FBXO22: variants seen among roughly 807,000 people sequenced by gnomAD.
FBXO22 encodes F-box only protein 22.
Under a neutral mutation model 37.2 loss-of-function variants are expected in FBXO22, and 13 were observed. The observed-to-expected ratio is 0.35, with a 90% confidence interval of 0.23 to 0.56. The LOEUF is 0.56. FBXO22 is among the 20% of genes least tolerant of loss of function. FBXO22 has a pLI of 0.87. For synonymous variants in FBXO22, 189 were observed against 189.1 expected, an observed-to-expected ratio of 1.00 and a Z score of 0.00; for missense variants, 446 against 509.9, an observed-to-expected ratio of 0.87 and a Z score of 1.21.
rs2030622741 is a variant in FBXO22 at position 75,938,675 on chromosome 15, G to T, written c.*5573G>T. 6.6e-6 allele frequency: 1 copy of T among 152,140 alleles called. No individual in the cohort carries two copies. Among genetic ancestry groups the T allele is most frequent in the African/African-American group, 2.4e-5 (1 of 41,432 alleles). The allele number at this position is 152,140 out of a possible 1,614,324, so 9.4% of individuals were successfully genotyped here. A position where few individuals can be genotyped will look rare whatever the true frequency, so the allele number is the denominator to read the frequency against. ...AGCAGATATAAGCAGGTAGAAGAAA[G>T]AATCAGCAAACTTGAGATGGGATCA... On this transcript the variant is annotated 3_prime_UTR_variant, in exon 7 of 7. Transcript: ENST00000308275.
chr15:75,912,231 T>C (rs1250497387), intron 2 of FBXO22, among the ~76,000 whole-genome samples: 2 of 152,062 alleles, frequency 1.3e-5, no homozygotes, highest in Non-Finnish European at 2.9e-5. Context: ...TGAAATTTTC[T>C]TTTTTTATTG....
intron 2 of FBXO22, among the ~76,000 whole-genome samples, chr15:75,911,388 A>G (rs778001561): frequency 1.3e-5 from 2 of 152,120 alleles, no homozygotes; most frequent in South Asian, 4.2e-4. Flanking sequence ...GATTCTTCCT[A>G]TCCTTGAGCA....
In FBXO22 at chr15:75,934,011, ATT is replaced by A. The variant is rs1245194708; in HGVS notation, c.*912_*913del. 6.5e-6 allele frequency: 1 copy of A among 153,346 alleles called. No individual in the cohort carries two copies. The highest frequency in any genetic ancestry group is 1.5e-5 in the Non-Finnish European group (1 of 68,790). The allele number at this position is 153,346 out of a possible 1,614,324, so 9.5% of individuals were successfully genotyped here. On this transcript the variant is annotated 3_prime_UTR_variant, in exon 7 of 7. Coordinates refer to ENST00000308275, the MANE Select transcript of FBXO22 (RefSeq NM_147188.3). ...AATAAGAGATGTGCAGAGAGCACCAATTTTCCTTCAATATCCATTCTTTACTT... is the reference window on the plus strand; with the variant it reads ...AATAAGAGATGTGCAGAGAGCACCAATTCCTTCAATATCCATTCTTTACTT...
At chr15:75,914,301 TTCTG>T (rs1311871545) in intron 4 of FBXO22, 96 bp downstream of exon 4, 1 of 793,102 alleles carries the variant, frequency 1.3e-6, no homozygotes. Flanking sequence ...ACATTTCTAT[TTCTG>T]TCCATCTAAA....
rs1315284129 is a variant in FBXO22, at chr15:75,925,413, A to AT, written c.629-4471_629-4470insT. 8.6e-5 allele frequency among the ~76,000 whole-genome samples: 13 copies of AT among 151,600 alleles called. 1 individual carries two copies. The highest frequency in any genetic ancestry group is 2.9e-4 in the African/African-American group (12 of 41,184). Reference sequence around the variant, plus strand: ...GGTTCTTTCTGCTCCCTGCTTTTTGAACCTTTAACTACTTGTCTTGAATTC... The same window carrying AT: ...GGTTCTTTCTGCTCCCTGCTTTTTGATACCTTTAACTACTTGTCTTGAATTC... On this transcript the variant is annotated intron_variant, in intron 5 of 6. Transcript: ENST00000308275.
chr15:75,926,819 A>G (rs1021273908), intron 5 of FBXO22, among the ~76,000 whole-genome samples: 1 of 152,240 alleles, frequency 6.6e-6, no homozygotes, highest in African/African-American at 2.4e-5. Flanking sequence ...TTTACATAAG[A>G]TAAGGTGAAC....
Position 75,904,529 on chromosome 15 carries a change from T to C in FBXO22, c.179T>C (p.Leu60Ser), listed in dbSNP as rs1490903959. ...RLWRECVRRVLRTHRSVTWIS... is the reference protein window; with the variant it reads ...RLWRECVRRVSRTHRSVTWIS... ...TGGAGGGAGTGTGTGCGCAGAGTAT[T>C]GCGGACCCATCGGAGCGTAACCTGG... The change falls in exon 2 of 7, where the codon TTG (leucine) becomes TCG (serine). Residue 60 changes from leucine (L) to serine (S), a missense_variant. Physicochemically the swap from Leu to Ser is moderately radical, Grantham distance 145. This residue lies in a region of FBXO22 where 131 missense variants were observed against 99.8 expected (regional missense o/e 1.31). Coordinates refer to ENST00000308275, the MANE Select transcript of FBXO22 (RefSeq NM_147188.3). 2.5e-6 allele frequency: 4 copies of C among 1,613,996 alleles called. No homozygotes were observed. Among genetic ancestry groups the C allele is most frequent in the Non-Finnish European group, 3.4e-6 (4 of 1,179,932 alleles).
In FBXO22 at chr15:75,936,492, A is replaced by G. The variant is rs1017077941; in HGVS notation, c.*3390A>G. 1.3e-5 allele frequency: 2 copies of G among 152,206 alleles called. No individual in the cohort carries two copies. Among genetic ancestry groups the G allele is most frequent in the African/African-American group, 4.8e-5 (2 of 41,442 alleles). 9.4% of individuals were successfully genotyped at this position (152,206 alleles called of 1,614,324 possible). A position where few individuals can be genotyped will look rare whatever the true frequency, so the allele number is the denominator to read the frequency against. On this transcript the variant is annotated 3_prime_UTR_variant, in exon 7 of 7. Coordinates refer to ENST00000308275, the MANE Select transcript of FBXO22 (RefSeq NM_147188.3). ...TATTTAACTTCTACCCTATGCCACA[A>G]CTGAAGACAGGTTACAAGAACATGT...
At chr15:75,909,455 T>C (rs1900000606) in intron 2 of FBXO22, among the ~76,000 whole-genome samples, 2 of 152,252 alleles carry the variant, frequency 1.3e-5, no homozygotes, top group South Asian at 4.1e-4. Context: ...GCTTGGAGTA[T>C]TTGATTTGAT....
Position 75,930,370 on chromosome 15 carries a change from C to T in FBXO22, c.794+321C>T, listed in dbSNP as rs1328346319. ...CAATGTGTCACCTCCTTTCTAGTTT[C>T]CTCCTTTAAAGGAAACACATGGTTA... is the stretch of plus-strand genomic sequence containing the variant. On this transcript the variant is annotated intron_variant, in intron 6 of 6. Transcript: ENST00000308275. 6 of 1,217,994 alleles carry T rather than the reference C, an allele frequency of 4.9e-6. No homozygotes were observed. In the East Asian group the frequency reaches 1.3e-4, roughly 27 times the overall value. The allele number at this position is 1,217,994 out of a possible 1,614,324, so 75.4% of individuals were successfully genotyped here.
At chr15:75,929,780 C>A in intron 5 of FBXO22, 104 bp from the exon 6 acceptor site, 6 of 1,344,824 alleles carry the variant, frequency 4.5e-6, no homozygotes, top group East Asian at 4.6e-5. Context: ...CACTAAATTG[C>A]CCTTAAGGTG....
chr15:75,932,532 G>T (rs2030073854), intron 6 of FBXO22, among the ~76,000 whole-genome samples, 153 bp from the exon 7 acceptor site: 1 of 152,038 alleles, frequency 6.6e-6, no homozygotes, highest in African/African-American at 2.4e-5. Context: ...TTTGATTTTT[G>T]ACCCTATTTT....
In FBXO22 at chr15:75,940,842, G is replaced by T. The variant is rs2030882019; in HGVS notation, c.*7740G>T. 1 of 152,036 alleles carries T rather than the reference G, an allele frequency of 6.6e-6. No individual in the cohort carries two copies. Among genetic ancestry groups the T allele is most frequent in the African/African-American group, 2.4e-5 (1 of 41,406 alleles). The allele number at this position is 152,036 out of a possible 1,614,324, so 9.4% of individuals were successfully genotyped here. ...AAAAATTAACTCAAAATGGACCAAA[G>T]ACCTAAATGTGAGAGCTAAAACCAT... On this transcript the variant is annotated 3_prime_UTR_variant, in exon 7 of 7. Transcript: ENST00000308275.
chr15:75,938,577 A>G lies in FBXO22; in HGVS notation c.*5475A>G, dbSNP rs1020585245. 6.6e-6 allele frequency: 1 copy of G among 152,266 alleles called. No individual in the cohort carries two copies. Among genetic ancestry groups the G allele is most frequent in the Non-Finnish European group, 1.5e-5 (1 of 68,052 alleles). The allele number at this position is 152,266 out of a possible 1,614,324, so 9.4% of individuals were successfully genotyped here. A position where few individuals can be genotyped will look rare whatever the true frequency, so the allele number is the denominator to read the frequency against. On this transcript the variant is annotated 3_prime_UTR_variant, in exon 7 of 7. Coordinates refer to ENST00000308275, the MANE Select transcript of FBXO22 (RefSeq NM_147188.3). ...ATAAATGAACAAAATCAGAATATCAACAGATAGGCATTATAAAAAAATTCT... is the reference window on the plus strand; with the variant it reads ...ATAAATGAACAAAATCAGAATATCAGCAGATAGGCATTATAAAAAAATTCT...
intron 5 of FBXO22, among the ~76,000 whole-genome samples, chr15:75,923,929 T>C (rs1397598950): frequency 6.6e-6 from 1 of 151,906 alleles, no homozygotes; most frequent in Non-Finnish European, 1.5e-5. Flanking sequence ...ACTGATGAGA[T>C]GTTAGGTGTT....
chr15:75,928,832 G>A (rs576212094), intron 5 of FBXO22, among the ~76,000 whole-genome samples: 2 of 152,286 alleles, frequency 1.3e-5, no homozygotes, highest in East Asian at 3.9e-4. Flanking sequence ...GTTACACTCT[G>A]CCACCTCCTA....
At position 75,915,856 on chromosome 15, in the gene FBXO22, C is replaced by T. The variant is rs553022364; in HGVS notation, c.464-1374C>T. On this transcript the variant is annotated intron_variant, in intron 4 of 6. Transcript: ENST00000308275. ...CAGAGGTTGCAGTGAGCCGAGATCA[C>T]GCCATTGCACTCCATCCTGGATGAT... is the stretch of plus-strand genomic sequence containing the variant. Among the ~76,000 whole-genome samples, 16 of 150,856 alleles carry T rather than the reference C, an allele frequency of 1.1e-4. No homozygotes were observed. The South Asian group carries it at 2.3e-3, about 22-fold the overall frequency.
chr15:75,932,594 A>G, intron 6 of FBXO22, 91 bp from the exon 7 acceptor site: 7 of 1,263,570 alleles, frequency 5.5e-6, no homozygotes, highest in Non-Finnish European at 7.6e-6. Flanking sequence ...TAAAGGCAGC[A>G]GCCTCCCGTC....
chr15:75,912,031 T>C (rs1247655286), intron 2 of FBXO22, among the ~76,000 whole-genome samples: 1 of 151,862 alleles, frequency 6.6e-6, no homozygotes, highest in African/African-American at 2.4e-5. Context: ...TCGTGGTTTT[T>C]GTCATCGGTT....
Sources: gnomAD v4.1 joint callset for allele counts (sites outside exome capture counted in the v4.1 genomes callset) on GRCh38, gnomAD v4.1.1 for gene constraint, gnomAD v4.1.1 regional missense constraint, MANE v1.5 for transcripts, NCBI Gene and HGNC (gene_info 2026-07-23, HGNC 2026-07-21) for gene names.